GLIS2: variants seen among roughly 807,000 people sequenced by gnomAD.
GLIS2 encodes GLIS family zinc finger 2.
In GLIS2, 14 loss-of-function variants were observed where a neutral mutation model predicts 35.6. That is an observed-to-expected ratio of 0.39 (90% CI 0.26 to 0.61). The LOEUF is 0.61. GLIS2 is among the 20% of genes least tolerant of loss of function. The probability of loss-of-function intolerance (pLI) is 0.48; values close to 1 mark genes in which losing one functional copy is unlikely to be tolerated. For synonymous variants in GLIS2, 368 were observed against 325.1 expected (o/e 1.13, Z -1.42); for missense variants, 675 against 713.4 (o/e 0.95, Z 0.61).
intron 1 of GLIS2, among the ~76,000 whole-genome samples, chr16:4,322,343 C>T (rs776265702): frequency 4.6e-4 from 70 of 152,292 alleles, no homozygotes; most frequent in Non-Finnish European, 9.0e-4. Context: ...AGGGTCACTG[C>T]AGATCAGCCG....
rs58290393 is a variant in GLIS2 at position 4,325,929 on chromosome 16, TAAAAAAAAAAA to T, written c.-66-6269_-66-6259del. The stretch of plus-strand genomic sequence containing the variant: ...GGAGACAGAGCAAGACTCTGTGTCT[TAAAAAAAAAAA>T]AAAAAAAAAAAAAAAAGGCCAGACT... On this transcript the variant is annotated intron_variant, in intron 1 of 6. Coordinates refer to ENST00000433375, the MANE Select transcript of GLIS2 (RefSeq NM_032575.3). Among the ~76,000 whole-genome samples the T allele has an allele frequency of 5.5e-3, 222 of 40,140 alleles. 2 individuals carry two copies. The highest frequency in any genetic ancestry group is 0.024 in the African/African-American group (205 of 8,678). 26.3% of individuals were successfully genotyped at this position (40,140 alleles called of 152,430 possible). A position where few individuals can be genotyped will look rare whatever the true frequency, so the allele number is the denominator to read the frequency against.
In GLIS2 at chr16:4,316,145, AG is replaced by A. The variant is rs569849376; in HGVS notation, c.-174del. On this transcript the variant is annotated 5_prime_UTR_variant, in exon 1 of 7. Transcript: ENST00000433375. ...GTGCCAGGGGAGCCCGCGCCCCGTG[AG>A]GCCTCGCGCCCCGGCCCCCGCCCGT... 1 allele frequency among the ~76,000 whole-genome samples: 144,168 copies of A among 144,174 alleles called. 72,081 individuals are homozygous for A. Among genetic ancestry groups the A allele is most frequent in the East Asian group, 1 (4,726 of 4,726 alleles). 94.6% of individuals were successfully genotyped at this position (144,174 alleles called of 152,430 possible).
In GLIS2 at chr16:4,338,108, C is replaced by G. The variant is rs1366495008; in HGVS notation, c.*584C>G. On this transcript the variant is annotated 3_prime_UTR_variant, in exon 7 of 7. Transcript: ENST00000433375. The stretch of plus-strand genomic sequence containing the variant: ...AAGCCCCAGGTAGAAGCATGCCCCC[C>G]AGGACAAGGCGCCTCCCACTAGTTA... 1.2e-5 allele frequency: 2 copies of G among 165,544 alleles called. No individual in the cohort carries two copies. The highest frequency in any genetic ancestry group is 2.4e-5 in the African/African-American group (1 of 41,590). The allele number at this position is 165,544 out of a possible 1,614,324, so 10.3% of individuals were successfully genotyped here.
chr16:4,334,988 G>A lies in GLIS2; in HGVS notation c.522+11G>A, dbSNP rs760670499. 7.3e-5 allele frequency: 118 copies of A among 1,613,136 alleles called. No individual in the cohort carries two copies. Among genetic ancestry groups the A allele is most frequent in the Admixed American group, 3.8e-4 (23 of 60,006 alleles). On this transcript the variant is annotated intron_variant, in intron 4 of 6. Coordinates refer to ENST00000433375, the MANE Select transcript of GLIS2 (RefSeq NM_032575.3). ...TGTCGCTGGGCCAAGGTGAGTGGGG[G>A]CCAGCAAGAGTAGTGTGGAGTCTGG...
At chr16:4,316,432 G>C (rs989107982) in intron 1 of GLIS2, among the ~76,000 whole-genome samples, 178 bp downstream of exon 1, 1 of 150,734 alleles carries the variant, frequency 6.6e-6, no homozygotes, top group Non-Finnish European at 1.5e-5. Flanking sequence ...TGGCTCGCGC[G>C]CTCCCTCCCT....
At chr16:4,319,702 G>A (rs539650288) in intron 1 of GLIS2, among the ~76,000 whole-genome samples, 7 of 152,284 alleles carry the variant, frequency 4.6e-5, no homozygotes, top group Admixed American at 3.3e-4. Context: ...CTGCTGGGGG[G>A]CCAGCGTGGG....
Position 4,323,460 on chromosome 16 carries a change from C to T in GLIS2, c.-67+7206C>T, listed in dbSNP as rs1027193324. Among the ~76,000 whole-genome samples the T allele has an allele frequency of 6.6e-5, 10 of 152,202 alleles. No individual in the cohort carries two copies. In the South Asian group the frequency reaches 1.0e-3, roughly 16 times the overall value. On this transcript the variant is annotated intron_variant, in intron 1 of 6. Transcript: ENST00000433375. Reference sequence around the variant, plus strand: ...CAAAGGTGCAGCAGCGGGCAGGCAGCGGGGGGGTGGAGGCCACTGCAGCAG... The same window carrying T: ...CAAAGGTGCAGCAGCGGGCAGGCAGTGGGGGGGTGGAGGCCACTGCAGCAG...
intron 1 of GLIS2, among the ~76,000 whole-genome samples, chr16:4,330,502 C>A (rs969054463): frequency 1.3e-5 from 2 of 152,240 alleles, no homozygotes; most frequent in African/African-American, 4.8e-5. Context: ...CGCCCTGGGG[C>A]TCCCTGGCTT....
At position 4,332,586 on chromosome 16, in the gene GLIS2, G is replaced by T; in HGVS notation, c.172+134G>T. The stretch of plus-strand genomic sequence containing the variant: ...CGGTTCATGGGAAGCCCGCACGCTT[G>T]TCCTTCCATCCGCCCAGCATCGTAT... On this transcript the variant is annotated intron_variant, in intron 2 of 6. Transcript: ENST00000433375. The surrounding 1 kb of genome is among the most constrained non-coding windows in gnomAD (Gnocchi z 5.4). The T allele has an allele frequency of 1.9e-6, 2 of 1,043,876 alleles. No homozygotes were observed. The highest frequency in any genetic ancestry group is 1.6e-5 in the African/African-American group (1 of 64,008). 64.7% of individuals were successfully genotyped at this position (1,043,876 alleles called of 1,614,324 possible). A position where few individuals can be genotyped will look rare whatever the true frequency, so the allele number is the denominator to read the frequency against.
chr16:4,316,358 C>T (rs1025242404), intron 1 of GLIS2, among the ~76,000 whole-genome samples, 104 bp downstream of exon 1: 2 of 146,048 alleles, frequency 1.4e-5, no homozygotes, highest in Non-Finnish European at 3.0e-5. Flanking sequence ...TCTCCTCCCC[C>T]GCTCGCGTCC....
upstream of GLIS2, chr16:4,315,526 T>A (rs999015128): frequency 5.9e-5 from 9 of 151,716 alleles, no homozygotes; most frequent in Admixed American, 5.9e-4. Flanking sequence ...CTTCCCGGTC[T>A]GCGGGGCTTT....
chr16:4,328,906 A>C (rs1266613401), intron 1 of GLIS2, among the ~76,000 whole-genome samples: 6 of 144,864 alleles, frequency 4.1e-5, no homozygotes, highest in South Asian at 2.2e-4. Context: ...GCTGCCAGTG[A>C]GTGTCCCCGT....
At chr16:4,325,008 GT>G (rs1185143513) in intron 1 of GLIS2, among the ~76,000 whole-genome samples, 1 of 152,196 alleles carries the variant, frequency 6.6e-6, no homozygotes, top group African/African-American at 2.4e-5. Context: ...GCCAAGGAGG[GT>G]GGAGCTCTTG....
chr16:4,318,544 C>T (rs548109140), intron 1 of GLIS2, among the ~76,000 whole-genome samples: 94 of 152,340 alleles, frequency 6.2e-4, no homozygotes, highest in African/African-American at 1.7e-3. Flanking sequence ...GTAGCCACAG[C>T]GATTTCTTCC....
At chr16:4,322,844 TGGGCCAC>T in intron 1 of GLIS2, among the ~76,000 whole-genome samples, 1 of 152,246 alleles carries the variant, frequency 6.6e-6, no homozygotes, top group South Asian at 2.1e-4. Context: ...AGGGGAGGCG[TGGGCCAC>T]GGGCCTGCCC....
chr16:4,329,513 T>G (rs1220187503), intron 1 of GLIS2, among the ~76,000 whole-genome samples: 1 of 152,080 alleles, frequency 6.6e-6, no homozygotes, highest in Admixed American at 6.5e-5. Flanking sequence ...TCAGCCATGT[T>G]GGGGTGGGGT....
chr16:4,331,920 A>G (rs1348064054), intron 1 of GLIS2: 5 of 382,932 alleles, frequency 1.3e-5, no homozygotes, highest in South Asian at 1.1e-4. Context: ...CTTGCACTCC[A>G]GCCTGAGTGA....
rs1596241643 is a variant in GLIS2 at position 4,335,064 on chromosome 16, A to C, written c.527A>C (p.Asn176Thr). The C allele has an allele frequency of 1.9e-6, 3 of 1,613,464 alleles. No individual in the cohort carries two copies. Among genetic ancestry groups the C allele is most frequent in the Non-Finnish European group, 2.5e-6 (3 of 1,180,028 alleles). The change falls in exon 5 of 7, where the codon AAC becomes ACC. Residue 176 changes from asparagine (N) to threonine (T), a missense_variant. Asn to Thr is a moderately conservative substitution (Grantham distance 65). This residue lies in a region of GLIS2 where 225 missense variants were observed against 238.7 expected (regional missense o/e 0.94). Coordinates refer to ENST00000433375, the MANE Select transcript of GLIS2 (RefSeq NM_032575.3). The surrounding 1 kb of genome is among the most constrained non-coding windows in gnomAD (Gnocchi z 4.6). ...KQLVCRWAKC[N>T]QLFELLQDLV... is the part of the protein sequence containing the mutation. The stretch of plus-strand genomic sequence containing the variant: ...AACACTTCCCATCCTCCGCAGTGTA[A>C]CCAGCTCTTTGAGCTCCTGCAAGAC...
In GLIS2 at chr16:4,332,068, T is replaced by G. The variant is rs1447906748; in HGVS notation, c.-66-147T>G. 1 of 652,402 alleles carries G rather than the reference T, an allele frequency of 1.5e-6. No homozygotes were observed. Among genetic ancestry groups the G allele is most frequent in the Non-Finnish European group, 2.8e-6 (1 of 362,292 alleles). The allele number at this position is 652,402 out of a possible 1,614,324, so 40.4% of individuals were successfully genotyped here. A position where few individuals can be genotyped will look rare whatever the true frequency, so the allele number is the denominator to read the frequency against. ...CTGTTGGCTCTCCCCCCATGATAGC[T>G]GCCGGCCAGGTCGCTCGGAGGGTCT... On this transcript the variant is annotated intron_variant, in intron 1 of 6. Transcript: ENST00000433375. The surrounding 1 kb of genome is among the most constrained non-coding windows in gnomAD (Gnocchi z 5.4).
Sources: allele counts gnomAD v4.1 joint callset (sites outside exome capture counted in the v4.1 genomes callset), GRCh38; gene constraint gnomAD v4.1.1; regional missense constraint gnomAD v4.1.1; non-coding constraint Gnocchi (gnomAD v3.1); transcripts MANE v1.5; gene names NCBI Gene and HGNC (gene_info 2026-07-23, HGNC 2026-07-21).